The following IGDCC4 variants were observed in gnomAD, a reference collection of about 807,000 sequenced individuals.
The protein encoded by IGDCC4 is likely ortholog of mouse neighbor of Punc E11.
Under a neutral mutation model 116.6 loss-of-function variants are expected in IGDCC4, and 72 were observed. The ratio of observed to expected loss-of-function variants is 0.62; its 90% confidence interval spans 0.51 to 0.75. The LOEUF is 0.75. Ranked by LOEUF, IGDCC4 falls within the 30% of genes least tolerant of loss-of-function variation. IGDCC4 has a pLI of 0.00. For synonymous variants in IGDCC4, 709 were observed against 719.9 expected, an observed-to-expected ratio of 0.98 and a Z score of 0.24; for missense variants, 1,501 against 1,662.4, an observed-to-expected ratio of 0.90 and a Z score of 1.69.
At chr15:65,394,950 A>G in intron 8 of IGDCC4, 144 bp downstream of exon 8, 1 of 903,620 alleles carries the variant, frequency 1.1e-6, no homozygotes, top group Non-Finnish European at 1.6e-6. Context: ...ACTGAGGAGA[A>G]GAACCCCGCC....
chr15:65,402,271 G>A, intron 4 of IGDCC4, 80 bp downstream of exon 4: 2 of 1,485,912 alleles, frequency 1.3e-6, no homozygotes, highest in South Asian at 1.3e-5. Context: ...GCAAGGCCTG[G>A]ACCCCTTGAG....
rs138004616 is a variant in IGDCC4 at position 65,399,324 on chromosome 15, A to T, written c.841+1482T>A. The stretch of plus-strand genomic sequence containing the variant: ...TGTCTCTACAAAAAAATACAGGCAT[A>T]GCGGCACATGCCTGTAGTCCCAGCT... On this transcript the variant is annotated intron_variant, in intron 5 of 19. Transcript: ENST00000352385. Among the ~76,000 whole-genome samples, 80 of 151,928 alleles carry T rather than the reference A, an allele frequency of 5.3e-4. 1 individual carries two copies. The East Asian group carries it at 0.013, about 24-fold the overall frequency.
At chr15:65,421,210 C>A (rs1280665993) in intron 1 of IGDCC4, among the ~76,000 whole-genome samples, 5 of 152,202 alleles carry the variant, frequency 3.3e-5, no homozygotes, top group Non-Finnish European at 7.3e-5. Context: ...GGGTCCCTCG[C>A]GGCAGGTCCT....
At position 65,385,081 on chromosome 15, in the gene IGDCC4, G is replaced by C. The variant is rs1330510271; in HGVS notation, c.3215C>G (p.Ala1072Gly). The C allele has an allele frequency of 1.2e-6, 2 of 1,602,406 alleles. No individual in the cohort carries two copies. The highest frequency in any genetic ancestry group is 2.3e-5 in the East Asian group (1 of 44,330). The change falls in exon 19 of 20, where the codon GCT becomes GGT. Residue 1072 changes from alanine (A) to glycine (G), a missense_variant. Physicochemically the swap from Ala to Gly is moderately conservative, Grantham distance 60. This residue lies in a region of IGDCC4 where 368 missense variants were observed against 355.6 expected (regional missense o/e 1.03). Transcript: ENST00000352385. ...SWAQPSGLSWAGSWAGCELPQ... is the reference protein window; with the variant it reads ...SWAQPSGLSWGGSWAGCELPQ... ...CAGCTCACAGCCTGCCCAGGAACCA[G>C]CCCAGCTCAGCCCGCTTGGTTGAGC...
In IGDCC4 at chr15:65,392,241, T is replaced by C. The variant is rs1595779383; in HGVS notation, c.2015A>G (p.Glu672Gly). ...TGGCAGGCGATCGCCATTGGCCTCCTCCTCAGCCCCCACCTCCCGCCAATA... is the reference window on the plus strand; with the variant it reads ...TGGCAGGCGATCGCCATTGGCCTCCCCCTCAGCCCCCACCTCCCGCCAATA... Reference protein sequence around the residue: ...KLYWREVGAEEEANGDRLPGG... With the variant: ...KLYWREVGAEGEANGDRLPGG... The change falls in exon 11 of 20, where the codon GAG (glutamate) becomes GGG (glycine). Residue 672 changes from glutamate (E) to glycine (G), a missense_variant. Transcript: ENST00000352385. 1 of 1,612,974 alleles carries C rather than the reference T, an allele frequency of 6.2e-7. No individual in the cohort carries two copies. The highest frequency in any genetic ancestry group is 8.5e-7 in the Non-Finnish European group (1 of 1,179,394).
At chr15:65,412,526 A>G (rs1167072171) in intron 1 of IGDCC4, among the ~76,000 whole-genome samples, 1 of 149,282 alleles carries the variant, frequency 6.7e-6, no homozygotes, top group Non-Finnish European at 1.5e-5. Context: ...AAAAAAAAAA[A>G]AAAAAAAAAA....
rs72625761 is a variant in IGDCC4, at chr15:65,421,353, T to G, written c.70+1440A>C. 0.029 allele frequency among the ~76,000 whole-genome samples: 4,370 copies of G among 152,230 alleles called. 609 individuals carry two copies. In the East Asian group the frequency reaches 0.47, roughly 16 times the overall value. On this transcript the variant is annotated intron_variant, in intron 1 of 19. Transcript: ENST00000352385. ...GGAACTATTCCTTAATCCCCTGAGC[T>G]CTGGGAAGACAGACCTCTCTCTGAC... is the stretch of plus-strand genomic sequence containing the variant.
intron 2 of IGDCC4, 73 bp downstream of exon 2, chr15:65,410,947 A>T: frequency 8.2e-7 from 1 of 1,224,292 alleles, no homozygotes; most frequent in African/African-American, 1.5e-5. Context: ...GCAAGTAACT[A>T]ACTGCAGATC....
At chr15:65,406,425 A>C (rs1237939230) in intron 3 of IGDCC4, among the ~76,000 whole-genome samples, 1 of 152,216 alleles carries the variant, frequency 6.6e-6, no homozygotes, top group Non-Finnish European at 1.5e-5. Flanking sequence ...CCATGAAAGA[A>C]AAATTATCCC....
At chr15:65,396,292 G>T in intron 6 of IGDCC4, 129 bp from the exon 7 acceptor site, 1 of 1,018,364 alleles carries the variant, frequency 9.8e-7, no homozygotes, top group Non-Finnish European at 1.4e-6. Context: ...ACCTCTCCCT[G>T]ATTCACCCTT....
At chr15:65,385,393 G>C in intron 18 of IGDCC4, 1 of 544,588 alleles carries the variant, frequency 1.8e-6, no homozygotes, top group South Asian at 2.3e-5. Context: ...GGGAGGACGG[G>C]TCGGAGTTGG....
rs1454389576 is a variant in IGDCC4 at position 65,422,875 on chromosome 15, G to C, written c.-13C>G. 2.7e-6 allele frequency: 3 copies of C among 1,118,122 alleles called. No homozygotes were observed. The highest frequency in any genetic ancestry group is 3.3e-6 in the Non-Finnish European group (3 of 914,194). The allele number at this position is 1,118,122 out of a possible 1,614,324, so 69.3% of individuals were successfully genotyped here. On this transcript the variant is annotated 5_prime_UTR_variant, in exon 1 of 20. Transcript: ENST00000352385. ...CCCCCCGCGCCATGGGGCTGGGCTC[G>C]GGCCGCCGCCGCCGCCGCCGCCTCC...
chr15:65,391,843 C>T (rs1226210849), intron 12 of IGDCC4, 37 bp downstream of exon 12: 2 of 1,578,198 alleles, frequency 1.3e-6, no homozygotes, highest in South Asian at 2.2e-5. Flanking sequence ...GAGCCCTCAC[C>T]TGAGCCCTCC....
At chr15:65,415,900 C>T (rs969951414) in intron 1 of IGDCC4, among the ~76,000 whole-genome samples, 1 of 152,140 alleles carries the variant, frequency 6.6e-6, no homozygotes, top group Admixed American at 6.5e-5. Flanking sequence ...AGGTCCCTTA[C>T]TCTTGCCTAG....
rs533492531 is a variant in IGDCC4 at position 65,398,438 on chromosome 15, A to C, written c.842-1449T>G. 4.6e-5 allele frequency among the ~76,000 whole-genome samples: 7 copies of C among 150,590 alleles called. No individual in the cohort carries two copies. The East Asian group carries it at 1.4e-3, about 29-fold the overall frequency. On this transcript the variant is annotated intron_variant, in intron 5 of 19. Transcript: ENST00000352385. ...AATCCCAGCTACTCGGGAAGCTGAGACAGGAGAATCACTTGAACCCAGGAG... is the reference window on the plus strand; with the variant it reads ...AATCCCAGCTACTCGGGAAGCTGAGCCAGGAGAATCACTTGAACCCAGGAG...
Position 65,410,958 on chromosome 15 carries a change from C to G in IGDCC4, c.421+62G>C, listed in dbSNP as rs561570741. The G allele has an allele frequency of 2.8e-4, 389 of 1,366,746 alleles. 3 individuals are homozygous for G. In the East Asian group the frequency reaches 3.8e-3, roughly 13 times the overall value. The allele number at this position is 1,366,746 out of a possible 1,614,324, so 84.7% of individuals were successfully genotyped here. On this transcript the variant is annotated intron_variant, in intron 2 of 19. Transcript: ENST00000352385. ...TTGTGCAAGTAACTAACTGCAGATC[C>G]CACTTCGCACACCCCAAGTCTGGGT...
chr15:65,422,227 C>G (rs1195027525), intron 1 of IGDCC4, among the ~76,000 whole-genome samples: 4 of 152,094 alleles, frequency 2.6e-5, no homozygotes, highest in African/African-American at 9.7e-5. Flanking sequence ...CACCACCACC[C>G]CCAGTCAAAC....
chr15:65,401,293 T>C (rs1439299144), intron 4 of IGDCC4, among the ~76,000 whole-genome samples: 3 of 152,154 alleles, frequency 2.0e-5, no homozygotes, highest in Admixed American at 1.3e-4. Context: ...ACAGTTATAG[T>C]TTCTAGTTCC....
chr15:65,408,935 C>G (rs576640024), intron 3 of IGDCC4, among the ~76,000 whole-genome samples: 119 of 151,712 alleles, frequency 7.8e-4, no homozygotes, highest in Non-Finnish European at 6.5e-4. Flanking sequence ...CCTGAACCTC[C>G]AAGTGATCTC....
Sources: gnomAD v4.1 joint callset for allele counts (sites outside exome capture counted in the v4.1 genomes callset) on GRCh38, gnomAD v4.1.1 for gene constraint, gnomAD v4.1.1 regional missense constraint, MANE v1.5 for transcripts, NCBI Gene and HGNC (gene_info 2026-07-23, HGNC 2026-07-21) for gene names.